Variants in GLRA2 observed in about 807,000 individuals in gnomAD.
GLRA2 encodes glycine receptor alpha 2.
GLRA2 carries 11 observed loss-of-function variants against 31.6 expected under a neutral mutation model. The ratio of observed to expected loss-of-function variants is 0.35; its 90% confidence interval spans 0.22 to 0.58. The LOEUF is 0.58. Among genes scored for constraint, GLRA2 ranks in the 20% least tolerant of loss-of-function variants. GLRA2 has a pLI of 0.84. For missense variants in GLRA2, 212 were observed against 351.8 expected (o/e 0.60, Z 3.18); for synonymous variants, 132 against 134.0 (o/e 0.99, Z 0.10).
At chrX:14,681,910 A>AAATATATAT (rs758563376) in intron 7 of GLRA2, among the ~76,000 whole-genome samples, 3 of 41,292 alleles carry the variant, frequency 7.3e-5, no homozygotes, top group African/African-American at 3.6e-4. Flanking sequence ...AAAAAAAAAA[A>AAATATATAT]ATATATATAT....
At chrX:14,608,840 G>T (rs747687278) in intron 6 of GLRA2, 151 bp from the exon 7 acceptor site, 3 of 428,468 alleles carry the variant, frequency 7.0e-6, no homozygotes, top group Non-Finnish European at 1.2e-5. Context: ...TTGGAGAAGA[G>T]TTGAATTGGT....
the GLRA2 span, among the ~76,000 whole-genome samples, chrX:14,477,431 T>C: frequency 8.9e-6 from 1 of 111,907 alleles, no homozygotes; most frequent in Non-Finnish European, 1.9e-5. Flanking sequence ...AGAAGGATTA[T>C]ACTTGCAAGA....
At chrX:14,470,926 A>C in the GLRA2 span, among the ~76,000 whole-genome samples, 2 of 111,334 alleles carry the variant, frequency 1.8e-5, no homozygotes, top group Admixed American at 1.9e-4. Flanking sequence ...AGATTGTGCA[A>C]TTCCAGTCTT....
chrX:14,592,624 A>G, intron 4 of GLRA2, among the ~76,000 whole-genome samples: 1 of 111,352 alleles, frequency 9.0e-6, no homozygotes, highest in Middle Eastern at 4.6e-3. Context: ...GTGAGCCAAG[A>G]TCATGCCACT....
chrX:14,646,845 T>C (rs1214371008), intron 7 of GLRA2, among the ~76,000 whole-genome samples: 1 of 111,962 alleles, frequency 8.9e-6, no homozygotes, highest in Middle Eastern at 4.2e-3. Context: ...AGGCACGATC[T>C]TTTAATTGTG....
chrX:14,545,919 A>T (rs1395530963), intron 2 of GLRA2, among the ~76,000 whole-genome samples: 1 of 111,595 alleles, frequency 9.0e-6, no homozygotes, highest in African/African-American at 3.3e-5. Context: ...AAAATTTAAG[A>T]CATCATCCCT....
intron 7 of GLRA2, among the ~76,000 whole-genome samples, chrX:14,683,329 G>A (rs1379586833): frequency 8.9e-6 from 1 of 112,042 alleles, no homozygotes; most frequent in African/African-American, 3.2e-5. Flanking sequence ...TCATGTGTCT[G>A]TTGGCTGCAT....
intron 7 of GLRA2, among the ~76,000 whole-genome samples, chrX:14,677,860 C>T (rs2091160069): frequency 9.0e-6 from 1 of 111,025 alleles, no homozygotes; most frequent in South Asian, 3.7e-4. Context: ...ATATAGTTAC[C>T]TCGGTTTTTT....
chrX:14,725,074 C>G (rs1326326079), intron 8 of GLRA2, among the ~76,000 whole-genome samples: 1 of 111,783 alleles, frequency 8.9e-6, no homozygotes, highest in Non-Finnish European at 1.9e-5. Context: ...TTTATTAGCA[C>G]TATAACTATA....
chrX:14,519,299 G>A, the GLRA2 span, among the ~76,000 whole-genome samples: 2 of 111,404 alleles, frequency 1.8e-5, no homozygotes, highest in Admixed American at 9.5e-5. Flanking sequence ...AATGAGTAAT[G>A]GGAACAGATG....
At chrX:14,471,031 T>C in the GLRA2 span, among the ~76,000 whole-genome samples, 641 of 111,481 alleles carry the variant, frequency 5.7e-3, 12 homozygotes, top group East Asian at 0.044. Context: ...TAAGAATTAG[T>C]GGTAGTAATA....
At chrX:14,528,443 T>A (rs2089208910), upstream of GLRA2, among the ~76,000 whole-genome samples, 1 of 112,183 alleles carries the variant, frequency 8.9e-6, no homozygotes. Context: ...ACAAGGAATA[T>A]TCCACAAAAA....
chrX:14,653,143 AT>A (rs913916857), intron 7 of GLRA2, among the ~76,000 whole-genome samples: 14 of 109,672 alleles, frequency 1.3e-4, no homozygotes, highest in East Asian at 5.7e-4. Flanking sequence ...GTAGATTAAC[AT>A]TTTTTTTTAA....
At chrX:14,629,650 T>C (rs1601782111) in intron 7 of GLRA2, among the ~76,000 whole-genome samples, 1 of 112,135 alleles carries the variant, frequency 8.9e-6, no homozygotes, top group African/African-American at 3.2e-5. Context: ...CTTTCATTTG[T>C]CCCATTTGTT....
chrX:14,687,781 T>A (rs1174404934), intron 7 of GLRA2, among the ~76,000 whole-genome samples: 2 of 112,461 alleles, frequency 1.8e-5, no homozygotes, highest in Non-Finnish European at 3.8e-5. Flanking sequence ...AGTTTGATCA[T>A]CTGAAGCCTC....
the GLRA2 span, among the ~76,000 whole-genome samples, chrX:14,499,381 T>G: frequency 9.0e-6 from 1 of 111,364 alleles, no homozygotes; most frequent in Non-Finnish European, 1.9e-5. Context: ...TTTTTTCATA[T>G]ACCCATTGGC....
intron 4 of GLRA2, among the ~76,000 whole-genome samples, chrX:14,601,773 C>T (rs1342919150): frequency 9.0e-6 from 1 of 110,639 alleles, no homozygotes; most frequent in African/African-American, 3.3e-5. Flanking sequence ...TTTGCTTTTA[C>T]TTGAATAGAT....
chrX:14,562,290 C>T (rs2089743497), intron 2 of GLRA2, among the ~76,000 whole-genome samples: 1 of 112,207 alleles, frequency 8.9e-6, no homozygotes, highest in African/African-American at 3.2e-5. Flanking sequence ...AAAAAGGTAA[C>T]TTCGAAATGG....
At chrX:14,642,015 C>T (rs896546037) in intron 7 of GLRA2, among the ~76,000 whole-genome samples, 3 of 111,712 alleles carry the variant, frequency 2.7e-5, no homozygotes, top group African/African-American at 9.8e-5. Flanking sequence ...GAGCAGCTCC[C>T]TTTACAGGCA....
Sources: gnomAD v4.1 joint callset for allele counts (sites outside exome capture counted in the v4.1 genomes callset) on GRCh38, gnomAD v4.1.1 for gene constraint, MANE v1.5 for transcripts, NCBI Gene and HGNC (gene_info 2026-07-23, HGNC 2026-07-21) for gene names.